Variants in ATP6V0D2 observed in about 807,000 individuals in gnomAD.
ATP6V0D2 encodes ATPase H+ transporting V0 subunit d2.
In ATP6V0D2, 40 loss-of-function variants were observed where a neutral mutation model predicts 40.0. That is an observed-to-expected ratio of 1.00 (90% CI 0.78 to 1.30). The LOEUF is 1.30. Among genes scored for constraint, ATP6V0D2 ranks in the 50% most tolerant of loss-of-function variants. ATP6V0D2 has a pLI of 0.00. For synonymous variants in ATP6V0D2, 179 were observed against 156.3 expected, an observed-to-expected ratio of 1.15 and a Z score of -1.08; for missense variants, 470 against 423.1, an observed-to-expected ratio of 1.11 and a Z score of -0.97.
chr8:86,147,125 T>C (rs916145000), intron 5 of ATP6V0D2, among the ~76,000 whole-genome samples: 5 of 152,164 alleles, frequency 3.3e-5, no homozygotes, highest in Non-Finnish European at 5.9e-5. Context: ...TCATAAAATA[T>C]GTTTGTTTGA....
At chr8:86,115,742 C>G (rs1307655016) in intron 2 of ATP6V0D2, among the ~76,000 whole-genome samples, 2 of 152,132 alleles carry the variant, frequency 1.3e-5, no homozygotes, top group African/African-American at 4.8e-5. Context: ...GAAAATGGAA[C>G]TAAGAATATC....
chr8:86,143,812 A>G (rs1404832169), intron 5 of ATP6V0D2, among the ~76,000 whole-genome samples: 1 of 152,058 alleles, frequency 6.6e-6, no homozygotes, highest in Admixed American at 6.6e-5. Flanking sequence ...CTCTGGTTCA[A>G]ATGCCTCTGA....
chr8:86,145,206 A>G (rs1411473351), intron 5 of ATP6V0D2, among the ~76,000 whole-genome samples: 1 of 18,994 alleles, frequency 5.3e-5, no homozygotes, highest in East Asian at 1.0e-3. Flanking sequence ...AAAGAAAGAA[A>G]GAAAGAAAGA....
In ATP6V0D2 at chr8:86,142,968, C is replaced by T; in HGVS notation, c.639+14C>T. On this transcript the variant is annotated intron_variant, in intron 5 of 7. Coordinates refer to ENST00000285393, the MANE Select transcript of ATP6V0D2 (RefSeq NM_152565.1). ...CCCATTCTTGAGGTAAGAAAGAGTCCTTGAATTTTGTTATGCTAAATAAGG... is the reference window on the plus strand; with the variant it reads ...CCCATTCTTGAGGTAAGAAAGAGTCTTTGAATTTTGTTATGCTAAATAAGG... The T allele has an allele frequency of 6.3e-7, 1 of 1,580,158 alleles. No homozygotes were observed. The highest frequency in any genetic ancestry group is 8.7e-7 in the Non-Finnish European group (1 of 1,153,696).
intron 1 of ATP6V0D2, among the ~76,000 whole-genome samples, chr8:86,111,237 A>G (rs1198938220): frequency 1.3e-5 from 2 of 149,500 alleles, no homozygotes; most frequent in Admixed American, 6.7e-5. Flanking sequence ...CCCAGGCTAG[A>G]GTACAGTGGC....
chr8:86,118,617 G>A (rs1036061436), intron 2 of ATP6V0D2, among the ~76,000 whole-genome samples: 7 of 152,216 alleles, frequency 4.6e-5, no homozygotes, highest in South Asian at 4.1e-4. Context: ...TGGCATGAGA[G>A]AGGCTCTGCA....
intron 1 of ATP6V0D2, among the ~76,000 whole-genome samples, chr8:86,105,941 T>C (rs1041912705): frequency 2.6e-5 from 4 of 151,932 alleles, no homozygotes; most frequent in Admixed American, 6.6e-5. Flanking sequence ...AGGCAGAAAG[T>C]ACACCTTAAA....
chr8:86,104,815 A>G (rs761988493), intron 1 of ATP6V0D2, among the ~76,000 whole-genome samples: 18 of 149,920 alleles, frequency 1.2e-4, no homozygotes, highest in Admixed American at 2.0e-4. Flanking sequence ...CTTATATTAA[A>G]AAGACATATC....
At chr8:86,112,966 G>A (rs1563556620) in intron 1 of ATP6V0D2, among the ~76,000 whole-genome samples, 2 of 152,024 alleles carry the variant, frequency 1.3e-5, no homozygotes, top group African/African-American at 2.4e-5. Context: ...ACAGAGCACC[G>A]ATGGCTGCCC....
intron 1 of ATP6V0D2, among the ~76,000 whole-genome samples, chr8:86,101,298 A>C (rs1370691276): frequency 1.3e-5 from 2 of 151,852 alleles, no homozygotes; most frequent in Non-Finnish European, 2.9e-5. Context: ...GTCTCTACTA[A>C]AAATTTTGAA....
chr8:86,145,859 T>C (rs189928461), intron 5 of ATP6V0D2, among the ~76,000 whole-genome samples: 1 of 152,240 alleles, frequency 6.6e-6, no homozygotes, highest in African/African-American at 2.4e-5. Flanking sequence ...GCACTATTAA[T>C]AGCTAACACT....
intron 2 of ATP6V0D2, among the ~76,000 whole-genome samples, chr8:86,114,795 C>T (rs10106497): frequency 0.51 from 77,540 of 152,014 alleles, 20,181 homozygotes; most frequent in Non-Finnish European, 0.57. Flanking sequence ...GCCCTTTCAG[C>T]TCTCCTAGCT....
chr8:86,121,657 G>A (rs1029852759), intron 2 of ATP6V0D2, among the ~76,000 whole-genome samples: 3 of 151,690 alleles, frequency 2.0e-5, no homozygotes, highest in Middle Eastern at 3.2e-3. Context: ...GAAGGAGAAG[G>A]AGGAAAGAAA....
chr8:86,134,494 T>C (rs1049198892), intron 2 of ATP6V0D2, among the ~76,000 whole-genome samples: 1 of 152,214 alleles, frequency 6.6e-6, no homozygotes, highest in African/African-American at 2.4e-5. Context: ...CTGATGTGGT[T>C]CTCGATATAC....
chr8:86,149,464 C>T (rs1195906046), intron 5 of ATP6V0D2, among the ~76,000 whole-genome samples: 4 of 152,138 alleles, frequency 2.6e-5, no homozygotes, highest in Admixed American at 1.3e-4. Context: ...CATGTAGCCA[C>T]ATTCCAGCAT....
chr8:86,137,028 G>T (rs1025473465), intron 2 of ATP6V0D2, among the ~76,000 whole-genome samples: 1 of 146,654 alleles, frequency 6.8e-6, no homozygotes, highest in Admixed American at 6.9e-5. Context: ...ACTAAAAATC[G>T]AAAGCGTCCT....
chr8:86,129,384 A>G lies in ATP6V0D2; in HGVS notation c.303-10073A>G, dbSNP rs147522506. Among the ~76,000 whole-genome samples the G allele has an allele frequency of 2.6e-5, 4 of 152,292 alleles. No individual in the cohort carries two copies. The East Asian group carries it at 5.8e-4, about 22-fold the overall frequency. On this transcript the variant is annotated intron_variant, in intron 2 of 7. Transcript: ENST00000285393. ...CCCTGTGATGCCAAGTTTGTTGAAA[A>G]GAATAATCTGGCCAGGCATGGTGGC...
intron 5 of ATP6V0D2, among the ~76,000 whole-genome samples, chr8:86,147,272 T>C (rs759405518): frequency 6.6e-6 from 1 of 152,160 alleles, no homozygotes; most frequent in African/African-American, 2.4e-5. Flanking sequence ...CTGGAGAGAA[T>C]GTGTGACCCC....
chr8:86,099,092 G>A lies in ATP6V0D2; in HGVS notation c.114G>A (p.Gln38=). 2 of 1,612,204 alleles carry A rather than the reference G, an allele frequency of 1.2e-6. No homozygotes were observed. The highest frequency in any genetic ancestry group is 2.2e-5 in the East Asian group (1 of 44,788). ...LTQQDYINLV[Q]CETLEDLKIH... is the part of the protein sequence containing the mutation. The stretch of plus-strand genomic sequence containing the variant: ...AGCAAGACTATATCAACCTGGTCCA[G>A]TGTGAGACCCTAGAAGGTAAGTGTA... The change falls in exon 1 of 8, where the codon CAG becomes CAA. Residue 38 remains glutamine (Q), a synonymous_variant. Transcript: ENST00000285393.
Sources: gnomAD v4.1 joint callset for allele counts (sites outside exome capture counted in the v4.1 genomes callset) on GRCh38, gnomAD v4.1.1 for gene constraint, MANE v1.5 for transcripts, NCBI Gene and HGNC (gene_info 2026-07-23, HGNC 2026-07-21) for gene names.